TRIM14: variants seen among roughly 807,000 people sequenced by gnomAD.
TRIM14 encodes tripartite motif containing 14.
In TRIM14, 28 loss-of-function variants were observed where a neutral mutation model predicts 44.5. That is an observed-to-expected ratio of 0.63 (90% CI 0.47 to 0.86). The LOEUF is 0.86. Ranked by LOEUF, TRIM14 falls within the 40% of genes least tolerant of loss-of-function variation. TRIM14 has a pLI of 0.00. For synonymous variants in TRIM14, 299 were observed against 269.2 expected (o/e 1.11, Z -1.08); for missense variants, 607 against 611.1 (o/e 0.99, Z 0.07).
intron 5 of TRIM14, among the ~76,000 whole-genome samples, chr9:98,091,560 T>C (rs1435791585): frequency 2.6e-5 from 4 of 152,136 alleles, no homozygotes; most frequent in Admixed American, 2.6e-4. Flanking sequence ...CAAAACAGTA[T>C]GTATAGTATG....
At chr9:98,052,505 A>G in the TRIM14 span, among the ~76,000 whole-genome samples, 5 of 152,022 alleles carry the variant, frequency 3.3e-5, no homozygotes, top group Admixed American at 1.3e-4. Flanking sequence ...AAAACTGTTA[A>G]ATTTTTGTTT....
At chr9:98,080,747 C>T (rs552818910), downstream of TRIM14, 355 of 1,503,694 alleles carry the variant, frequency 2.4e-4, 3 homozygotes, top group African/African-American at 1.1e-4. Flanking sequence ...CAACCAGATA[C>T]GCTTCACCTG....
chr9:98,063,266 CAG>C, the TRIM14 span, among the ~76,000 whole-genome samples: 2 of 149,802 alleles, frequency 1.3e-5, no homozygotes, highest in Admixed American at 1.3e-4. Flanking sequence ...TGTTTTGAGA[CAG>C]AGTCTCACTG....
intron 1 of TRIM14, among the ~76,000 whole-genome samples, chr9:98,114,395 G>A (rs1826970116): frequency 6.6e-6 from 1 of 151,726 alleles, no homozygotes; most frequent in South Asian, 2.1e-4. Flanking sequence ...GTGCAGTGGC[G>A]TAATCTCGGC....
In TRIM14 at chr9:98,086,864, G is replaced by A. The variant is rs1248324786; in HGVS notation, c.*606C>T. Reference sequence around the variant, plus strand: ...AACTCCTGGAAGCCTTTTCATAGCTGAGGGGTTAAGTGAAGTTTTAGGAAG... The same window carrying A: ...AACTCCTGGAAGCCTTTTCATAGCTAAGGGGTTAAGTGAAGTTTTAGGAAG... On this transcript the variant is annotated 3_prime_UTR_variant, in exon 6 of 6. Coordinates refer to ENST00000341469, the MANE Select transcript of TRIM14 (RefSeq NM_014788.4). 6.5e-6 allele frequency: 1 copy of A among 154,230 alleles called. No homozygotes were observed. Among genetic ancestry groups the A allele is most frequent in the African/African-American group, 2.4e-5 (1 of 41,408 alleles). The allele number at this position is 154,230 out of a possible 1,614,324, so 9.6% of individuals were successfully genotyped here. A position where few individuals can be genotyped will look rare whatever the true frequency, so the allele number is the denominator to read the frequency against.
chr9:98,073,410 G>C (rs984251552), intron 6 of TRIM14, among the ~76,000 whole-genome samples: 5 of 147,646 alleles, frequency 3.4e-5, no homozygotes, highest in Admixed American at 2.8e-4. Flanking sequence ...TTAGCCTCCC[G>C]AGTAGCTGGG....
intron 6 of TRIM14, among the ~76,000 whole-genome samples, chr9:98,077,790 G>A (rs781286021): frequency 7.9e-5 from 12 of 152,110 alleles, no homozygotes; most frequent in Non-Finnish European, 1.6e-4. Flanking sequence ...ACTCAGAGAC[G>A]GACAGTACTC....
intron 6 of TRIM14, among the ~76,000 whole-genome samples, chr9:98,073,365 A>G (rs1386281248): frequency 7.8e-6 from 1 of 128,842 alleles, no homozygotes; most frequent in Non-Finnish European, 1.5e-5. Context: ...GCTCACTGCA[A>G]CCTCCACCTC....
chr9:98,064,540 G>A (rs1829078597), downstream of TRIM14, among the ~76,000 whole-genome samples: 1 of 152,136 alleles, frequency 6.6e-6, no homozygotes, highest in African/African-American at 2.4e-5. Context: ...ACAGGTGTAA[G>A]CCACCGCACC....
chr9:98,081,816 T>TG (rs970455747), downstream of TRIM14: 2 of 152,190 alleles, frequency 1.3e-5, no homozygotes, highest in African/African-American at 2.4e-5. Flanking sequence ...TTTATTCTAG[T>TG]GGGGCCTACC....
In TRIM14 at chr9:98,099,992, T is replaced by C. The variant is rs748233492; in HGVS notation, c.476A>G (p.Asn159Ser). ...ACTCCAGACCCTGTTGGAGAGATCA[T>C]TCATGATGTCAAGTTGCTCTCTGCA... Reference protein sequence around the residue: ...DSCREQLDIMNDLSNRVWSIS... With the variant: ...DSCREQLDIMSDLSNRVWSIS... Residue 159 changes from asparagine (N) to serine (S), a missense_variant, in exon 3 of 6, where the codon AAT (asparagine) becomes AGT (serine). Around this residue, in one of 3 missense-constraint regions of TRIM14, gnomAD observed 246 missense variants for 270.8 expected, o/e 0.91. Transcript: ENST00000341469. The C allele has an allele frequency of 3.1e-6, 5 of 1,614,166 alleles. 1 individual carries two copies. In the South Asian group the frequency reaches 3.3e-5, roughly 11 times the overall value.
the TRIM14 span, chr9:98,060,994 T>G: frequency 6.2e-7 from 1 of 1,613,408 alleles, no homozygotes; most frequent in Non-Finnish European, 8.5e-7. Flanking sequence ...CTGGCATGGA[T>G]GAGGTGAGTC....
At chr9:98,047,000 T>C in the TRIM14 span, among the ~76,000 whole-genome samples, 1 of 152,116 alleles carries the variant, frequency 6.6e-6, no homozygotes, top group Non-Finnish European at 1.5e-5. Context: ...CTTGAACTTT[T>C]GATTCAGTAT....
chr9:98,050,639 A>G, the TRIM14 span, among the ~76,000 whole-genome samples: 1 of 152,174 alleles, frequency 6.6e-6, no homozygotes, highest in African/African-American at 2.4e-5. Flanking sequence ...CTTTTTGGTC[A>G]CATTCTCCCT....
chr9:98,098,319 A>G (rs143687303), intron 3 of TRIM14, among the ~76,000 whole-genome samples: 1,792 of 152,342 alleles, frequency 0.012, 28 homozygotes, highest in African/African-American at 0.04. Context: ...AGAAGGAAAC[A>G]GGAGGAGCTC....
chr9:98,076,998 G>A lies in TRIM14; in HGVS notation c.*29-7311C>T, dbSNP rs1384663010. On this transcript the variant is annotated intron_variant, in intron 6 of 6. Coordinates refer to the TRIM14 transcript ENST00000375098. ...GAGACACTAATAATTTTCCTTATCT[G>A]GAAAAGACAGCCAAAAAAGGTAAGT... 6.2e-7 allele frequency: 1 copy of A among 1,608,186 alleles called. No individual in the cohort carries two copies. The highest frequency in any genetic ancestry group is 2.2e-5 in the East Asian group (1 of 44,600).
At chr9:98,073,102 C>A (rs1829416345) in intron 6 of TRIM14, among the ~76,000 whole-genome samples, 1 of 151,994 alleles carries the variant, frequency 6.6e-6, no homozygotes, top group African/African-American at 2.4e-5. Context: ...GAGGGACATG[C>A]TCTCCTCACA....
chr9:98,039,950 G>A, the TRIM14 span, among the ~76,000 whole-genome samples: 2 of 152,008 alleles, frequency 1.3e-5, no homozygotes, highest in Non-Finnish European at 2.9e-5. Flanking sequence ...GTCTAGCAGC[G>A]GGTAAGGTGA....
intron 2 of TRIM14, among the ~76,000 whole-genome samples, chr9:98,100,396 T>C (rs565649177): frequency 7.4e-4 from 113 of 152,164 alleles, no homozygotes; most frequent in Non-Finnish European, 1.3e-3. Context: ...TAGCAAAATA[T>C]GTGGAAATAT....
Sources: gnomAD v4.1 joint callset for allele counts (sites outside exome capture counted in the v4.1 genomes callset) on GRCh38, gnomAD v4.1.1 for gene constraint, gnomAD v4.1.1 regional missense constraint, MANE v1.5 for transcripts, NCBI Gene and HGNC (gene_info 2026-07-23, HGNC 2026-07-21) for gene names.